The following CALCR variants were observed in gnomAD, a reference collection of about 807,000 sequenced individuals.
CALCR encodes calcitonin receptor.
A neutral mutation model predicts 59.5 loss-of-function variants in CALCR; 47 were observed. The observed-to-expected ratio is 0.79, with a 90% CI of 0.63 to 1.01. The LOEUF (loss-of-function observed/expected upper bound fraction) is 1.01. Among genes scored for constraint, CALCR ranks in the 50% least tolerant of loss-of-function variants. The probability of loss-of-function intolerance (pLI) is 0.00; values close to 1 mark genes in which losing one functional copy is unlikely to be tolerated. For missense variants in CALCR, 566 were observed against 597.1 expected (o/e 0.95, Z 0.54); for synonymous variants, 213 against 211.3 (o/e 1.01, Z -0.07).
chr7:93,499,841 A>G (rs1438612974), intron 2 of CALCR, among the ~76,000 whole-genome samples: 2 of 151,894 alleles, frequency 1.3e-5, no homozygotes, highest in African/African-American at 4.8e-5. Flanking sequence ...TAAAATATTT[A>G]TGTAGAAGTC....
chr7:93,508,926 G>A (rs1234825937), intron 2 of CALCR, among the ~76,000 whole-genome samples: 3 of 152,012 alleles, frequency 2.0e-5, no homozygotes, highest in Non-Finnish European at 2.9e-5. Flanking sequence ...TTTCTGTAGC[G>A]CTGTGTTAAA....
At chr7:93,537,341 G>A (rs1312103470) in intron 2 of CALCR, among the ~76,000 whole-genome samples, 1 of 151,648 alleles carries the variant, frequency 6.6e-6, no homozygotes, top group Admixed American at 6.6e-5. Context: ...GGTAATGAAG[G>A]TATCATTTGC....
chr7:93,480,416 G>C (rs1438109089), intron 3 of CALCR, among the ~76,000 whole-genome samples: 2 of 151,662 alleles, frequency 1.3e-5, no homozygotes, highest in Non-Finnish European at 2.9e-5. Flanking sequence ...AAAAACATCA[G>C]CCTGCACTGA....
chr7:93,447,524 A>G (rs1257560455), intron 8 of CALCR, among the ~76,000 whole-genome samples: 1 of 151,884 alleles, frequency 6.6e-6, no homozygotes, highest in Non-Finnish European at 1.5e-5. Flanking sequence ...GTGGGGGTAG[A>G]GGAAGACCTT....
intron 7 of CALCR, among the ~76,000 whole-genome samples, chr7:93,462,994 T>C (rs572373352): frequency 3.5e-4 from 52 of 150,108 alleles, no homozygotes; most frequent in Non-Finnish European, 6.6e-4. Context: ...TTGGGCTTAA[T>C]ACCCATTTTT....
intron 2 of CALCR, among the ~76,000 whole-genome samples, chr7:93,537,499 C>T (rs1467399174): frequency 6.6e-6 from 1 of 151,730 alleles, no homozygotes; most frequent in Non-Finnish European, 1.5e-5. Flanking sequence ...CTATAGTATA[C>T]ATTTTCAACT....
chr7:93,434,271 G>A lies in CALCR; in HGVS notation c.1173C>T (p.Tyr391=), dbSNP rs1353560127. ...TGCTTACCTCATTGTTGCAGAAGCA[G>A]TAGATGGTCGCAACAAAGAAGCCCT... ...HFQGFFVATI[Y]CFCNNEVQTT... is the part of the protein sequence containing the mutation. The change falls in exon 13 of 14, where the codon TAC becomes TAT. Residue 391 remains tyrosine, a synonymous_variant. Transcript: ENST00000426151. 6.2e-7 allele frequency: 1 copy of A among 1,610,704 alleles called. No individual in the cohort carries two copies. The highest frequency in any genetic ancestry group is 8.5e-7 in the Non-Finnish European group (1 of 1,177,194).
At chr7:93,571,923 C>G (rs1422553976) in intron 2 of CALCR, among the ~76,000 whole-genome samples, 1 of 152,092 alleles carries the variant, frequency 6.6e-6, no homozygotes, top group African/African-American at 2.4e-5. Context: ...CCTCTTTCTC[C>G]TCTTTCAAAA....
intron 11 of CALCR, 24 bp from the exon 12 acceptor site, chr7:93,436,194 C>T: frequency 6.4e-7 from 1 of 1,569,346 alleles, no homozygotes; most frequent in Admixed American, 1.7e-5. Context: ...GTGTTATGAG[C>T]AAATCATACA....
At chr7:93,502,418 A>C (rs1474806540) in intron 2 of CALCR, among the ~76,000 whole-genome samples, 2 of 152,174 alleles carry the variant, frequency 1.3e-5, no homozygotes, top group African/African-American at 4.8e-5. Flanking sequence ...TATTTAAATA[A>C]ACATGCCCAT....
chr7:93,526,806 CT>C (rs1285033448), intron 2 of CALCR, among the ~76,000 whole-genome samples: 17 of 152,126 alleles, frequency 1.1e-4, no homozygotes, highest in African/African-American at 3.6e-4. Context: ...AACATAGTTA[CT>C]TATGACTTCA....
intron 9 of CALCR, among the ~76,000 whole-genome samples, chr7:93,440,614 G>A (rs886116018): frequency 6.6e-6 from 1 of 151,822 alleles, no homozygotes; most frequent in Non-Finnish European, 1.5e-5. Context: ...TTACATTTTA[G>A]AACTATTTGG....
intron 2 of CALCR, chr7:93,559,642 C>A (rs1056216788): frequency 6.6e-6 from 1 of 151,036 alleles, no homozygotes; most frequent in Admixed American, 6.6e-5. Context: ...TATTTCTACT[C>A]ATTACTTTTA....
At chr7:93,553,729 C>T (rs1789524801) in intron 2 of CALCR, among the ~76,000 whole-genome samples, 1 of 152,234 alleles carries the variant, frequency 6.6e-6, no homozygotes, top group South Asian at 2.1e-4. Flanking sequence ...CTTTGAAAAG[C>T]ACTTGGTTCA....
rs545295161 is a variant in CALCR, at chr7:93,436,102, C to T, written c.999G>A (p.Ala333=). 60 of 1,614,100 alleles carry T rather than the reference C, an allele frequency of 3.7e-5. No homozygotes were observed. The highest frequency in any genetic ancestry group is 1.6e-4 in the South Asian group (15 of 91,072). The change falls in exon 12 of 14, where the codon GCG becomes GCA. Residue 333 remains alanine, a synonymous_variant. Coordinates refer to ENST00000426151, the MANE Select transcript of CALCR (RefSeq NM_001742.4). The part of the protein sequence containing the change: ...LVTKMRETHE[A]ESHMYLKAVK... The stretch of plus-strand genomic sequence containing the variant: ...CAGCCTTCAGGTACATGTGGGATTC[C>T]GCCTCATGGGTTTCCCTCATTTTGG...
chr7:93,487,046 T>C (rs530505931), intron 2 of CALCR, 39 bp from the exon 3 acceptor site: 18 of 1,025,360 alleles, frequency 1.8e-5, no homozygotes, highest in African/African-American at 1.2e-4. Flanking sequence ...AAAATTAATA[T>C]ATCTCTAATA....
intron 2 of CALCR, among the ~76,000 whole-genome samples, chr7:93,548,840 G>T (rs1224751079): frequency 3.5e-5 from 1 of 28,624 alleles, no homozygotes; most frequent in African/African-American, 9.3e-4. Context: ...TCCAGAAGAA[G>T]TGTGTGTGTG....
intron 7 of CALCR, among the ~76,000 whole-genome samples, chr7:93,462,999 AT>A (rs67300863): frequency 0.062 from 9,403 of 151,200 alleles, 930 homozygotes; most frequent in African/African-American, 0.21. Context: ...CTTAATACCC[AT>A]TTTTTTTTAA....
chr7:93,460,043 G>A (rs1254323278), intron 8 of CALCR, among the ~76,000 whole-genome samples: 1 of 152,056 alleles, frequency 6.6e-6, no homozygotes, highest in Admixed American at 6.6e-5. Flanking sequence ...TGGTTCATTA[G>A]CAAAAGGGAA....
Sources: allele counts gnomAD v4.1 joint callset (sites outside exome capture counted in the v4.1 genomes callset), GRCh38; gene constraint gnomAD v4.1.1; transcripts MANE v1.5; gene names NCBI Gene and HGNC (gene_info 2026-07-23, HGNC 2026-07-21).